Variants in IPO5 observed in about 807,000 individuals in gnomAD.
The protein encoded by IPO5 is importin 5.
Under a neutral mutation model 143.3 loss-of-function variants are expected in IPO5, and 18 were observed. The ratio of observed to expected loss-of-function variants is 0.13; its 90% CI spans 0.09 to 0.19. The LOEUF is 0.19. IPO5 is among the 10% of genes least tolerant of loss of function. IPO5 has a pLI of 1.00. For synonymous variants in IPO5, 477 were observed against 465.7 expected, an observed-to-expected ratio of 1.02 and a Z score of -0.31; for missense variants, 1,013 against 1,336.9, an observed-to-expected ratio of 0.76 and a Z score of 3.78.
intron 2 of IPO5, among the ~76,000 whole-genome samples, chr13:97,967,701 A>G (rs570466922): frequency 1.3e-5 from 2 of 151,766 alleles, no homozygotes; most frequent in East Asian, 1.9e-4. Flanking sequence ...GCTCGATCTC[A>G]GCTCACTGCA....
chr13:97,991,637 C>T (rs1887812641), intron 9 of IPO5, among the ~76,000 whole-genome samples: 1 of 152,084 alleles, frequency 6.6e-6, no homozygotes, highest in Non-Finnish European at 1.5e-5. Flanking sequence ...CTTTGAGTGA[C>T]GTGTCTGTGT....
intron 5 of IPO5, 29 bp downstream of exon 5, chr13:97,982,612 A>G (rs1248896439): frequency 2.2e-6 from 3 of 1,334,226 alleles, no homozygotes; most frequent in South Asian, 1.2e-5. Context: ...TGACTATTAC[A>G]TTCTTAGAAA....
chr13:97,995,190 T>TTG (rs1555307998), intron 11 of IPO5, among the ~76,000 whole-genome samples: 179 of 150,356 alleles, frequency 1.2e-3, no homozygotes, highest in African/African-American at 4.2e-3. Context: ...TTTTTTTTTT[T>TTG]TTTGTTTGTT....
chr13:97,999,385 T>C (rs1034575817), intron 12 of IPO5, among the ~76,000 whole-genome samples: 2 of 152,184 alleles, frequency 1.3e-5, no homozygotes, highest in Non-Finnish European at 2.9e-5. Context: ...TAGGTCGAAT[T>C]TCCTTTTTGG....
intron 3 of IPO5, among the ~76,000 whole-genome samples, chr13:97,974,188 A>G (rs957284754): frequency 2.6e-4 from 40 of 152,242 alleles, no homozygotes; most frequent in African/African-American, 8.9e-4. Context: ...ATAGAAACAC[A>G]TATCGCAACA....
chr13:97,963,127 C>T (rs1885027831), intron 2 of IPO5: 1 of 152,160 alleles, frequency 6.6e-6, no homozygotes, highest in African/African-American at 2.4e-5. Context: ...TAGTTAAAGT[C>T]AACTGATTAT....
intron 4 of IPO5, among the ~76,000 whole-genome samples, chr13:97,980,630 C>G (rs1886759551): frequency 6.6e-6 from 1 of 151,308 alleles, no homozygotes; most frequent in South Asian, 2.1e-4. Context: ...GAGTTCAAGA[C>G]CAGCCTGGCC....
chr13:97,990,458 C>T lies in IPO5; in HGVS notation c.590C>T (p.Thr197Ile), dbSNP rs1467406077. The part of the protein sequence containing the change: ...PSIRTLSARA[T>I]AAFILANEHN... ...ATCAGGACGTTATCTGCTAGAGCTA[C>T]AGCTGCATTTATACTTGCAAATGAG... Residue 197 changes from threonine to isoleucine, a missense_variant, in exon 9 of 29, where the codon ACA becomes ATA. Physicochemically the swap from Thr to Ile is moderately conservative, Grantham distance 89. This residue lies in a region of IPO5 where 328 missense variants were observed against 342.0 expected (regional missense o/e 0.96). Transcript: ENST00000651721. 1 of 1,603,606 alleles carries T rather than the reference C, an allele frequency of 6.2e-7. No individual in the cohort carries two copies. The highest frequency in any genetic ancestry group is 8.5e-7 in the Non-Finnish European group (1 of 1,177,164).
intron 7 of IPO5, among the ~76,000 whole-genome samples, chr13:97,989,891 G>A (rs1300779297): frequency 6.6e-6 from 1 of 152,156 alleles, no homozygotes; most frequent in Non-Finnish European, 1.5e-5. Flanking sequence ...ATAAAAGCAT[G>A]TAGCTGGGAA....
intron 3 of IPO5, 65 bp downstream of exon 3, chr13:97,969,895 C>T (rs557622104): frequency 7.9e-6 from 10 of 1,267,102 alleles, no homozygotes; most frequent in African/African-American, 3.0e-5. Context: ...GACAAGGTCT[C>T]GCCATGTTGC....
intron 2 of IPO5, among the ~76,000 whole-genome samples, chr13:97,959,687 T>G (rs909029294): frequency 6.6e-6 from 1 of 152,108 alleles, no homozygotes; most frequent in African/African-American, 2.4e-5. Context: ...TGAGCCTAGA[T>G]AGCGCCACTG....
intron 4 of IPO5, chr13:97,981,515 C>T: frequency 4.0e-6 from 1 of 251,980 alleles, no homozygotes; most frequent in Non-Finnish European, 7.7e-6. Context: ...CCTTGTTTTT[C>T]CTCCCTTGTC....
chr13:97,997,417 GT>G (rs757978887), intron 11 of IPO5, 113 bp from the exon 12 acceptor site: 2 of 489,914 alleles, frequency 4.1e-6, no homozygotes, highest in Non-Finnish European at 7.2e-6. Context: ...ACAAATAATT[GT>G]TTTGTCTTGT....
At chr13:98,021,498 C>T (rs1392446425) in intron 28 of IPO5, 2 of 382,556 alleles carry the variant, frequency 5.2e-6, no homozygotes, top group Admixed American at 4.2e-5. Context: ...ATATGGGTTA[C>T]TTTAAGATGT....
rs753157612 is a variant in IPO5 at position 98,016,780 on chromosome 13, A to G, written c.2545A>G (p.Ile849Val). The G allele has an allele frequency of 3.9e-6, 6 of 1,558,166 alleles. No individual in the cohort carries two copies. In the South Asian group the frequency reaches 5.9e-5, roughly 15 times the overall value. ...LTKVSDILHS[I>V]FSSYKEKVLP... The stretch of plus-strand genomic sequence containing the variant: ...CAAAGTGTCAGATATTTTACACTCA[A>G]TATTCAGTAGCTACAAAGAAAAGGT... The change falls in exon 25 of 29, where the codon ATA becomes GTA. Residue 849 changes from isoleucine (I) to valine (V), a missense_variant. By Grantham distance (29) the Ile-to-Val change is conservative. Coordinates refer to ENST00000651721, the MANE Select transcript of IPO5 (RefSeq NM_002271.6).
intron 11 of IPO5, 104 bp from the exon 12 acceptor site, chr13:97,997,427 G>A: frequency 1.9e-6 from 1 of 538,538 alleles, no homozygotes; most frequent in Non-Finnish European, 3.2e-6. Context: ...GTTTTGTCTT[G>A]TTCTCTTACA....
At chr13:97,976,109 G>C (rs1352607347) in intron 3 of IPO5, 1 of 291,710 alleles carries the variant, frequency 3.4e-6, no homozygotes, top group East Asian at 1.8e-4. Flanking sequence ...CCACGGGGAG[G>C]GGCCGGGGGT....
intron 4 of IPO5, among the ~76,000 whole-genome samples, chr13:97,978,715 C>T (rs1034224183): frequency 6.6e-6 from 1 of 152,114 alleles, no homozygotes; most frequent in Admixed American, 6.5e-5. Context: ...GTTTAATTCT[C>T]TCTGTTCCCT....
intron 17 of IPO5, among the ~76,000 whole-genome samples, chr13:98,006,868 T>G (rs1162643505): frequency 2.8e-5 from 4 of 144,584 alleles, no homozygotes; most frequent in South Asian, 2.3e-4. Flanking sequence ...GGTTTGGTGT[T>G]TTTTTTTTTT....
Sources: allele counts gnomAD v4.1 joint callset (sites outside exome capture counted in the v4.1 genomes callset), GRCh38; gene constraint gnomAD v4.1.1; regional missense constraint gnomAD v4.1.1; transcripts MANE v1.5; gene names NCBI Gene and HGNC (gene_info 2026-07-23, HGNC 2026-07-21).